NGF: variants seen among roughly 807,000 people sequenced by gnomAD.
NGF encodes the protein nerve growth factor.
NGF carries 4 observed loss-of-function variants against 12.8 expected under a neutral mutation model. The ratio of observed to expected loss-of-function variants is 0.31; its 90% CI spans 0.15 to 0.72. The LOEUF (loss-of-function observed/expected upper bound fraction) is 0.72, where lower values mean the gene tolerates loss of function less well. NGF is among the 30% of genes least tolerant of loss of function. The probability of loss-of-function intolerance (pLI) is 0.69; values close to 1 mark genes in which losing one functional copy is unlikely to be tolerated. For synonymous variants in NGF, 140 were observed against 130.0 expected (o/e 1.08, Z -0.52); for missense variants, 283 against 330.8 (o/e 0.86, Z 1.12).
At chr1:115,334,855 A>G (rs1481208213) in intron 1 of NGF, among the ~76,000 whole-genome samples, 1 of 152,214 alleles carries the variant, frequency 6.6e-6, no homozygotes, top group African/African-American at 2.4e-5. Context: ...AACAATATAA[A>G]TCCAATATAC....
At chr1:115,316,308 G>A (rs138242016) in intron 1 of NGF, among the ~76,000 whole-genome samples, 1 of 152,150 alleles carries the variant, frequency 6.6e-6, no homozygotes, top group African/African-American at 2.4e-5. Flanking sequence ...AGAGATCTAA[G>A]AGCCAATGTG....
chr1:115,300,192 A>G (rs1277162492), intron 1 of NGF, among the ~76,000 whole-genome samples: 1 of 152,188 alleles, frequency 6.6e-6, no homozygotes, highest in East Asian at 1.9e-4. Flanking sequence ...ACATAAGACT[A>G]TAATGCGATT....
chr1:115,309,046 T>C (rs1239892165), intron 1 of NGF, among the ~76,000 whole-genome samples: 1 of 152,180 alleles, frequency 6.6e-6, no homozygotes, highest in Non-Finnish European at 1.5e-5. Flanking sequence ...TAGACAGTCC[T>C]ATTGGCAAGG....
intron 1 of NGF, among the ~76,000 whole-genome samples, chr1:115,302,499 T>C (rs540388628): frequency 3.4e-4 from 52 of 152,092 alleles, no homozygotes; most frequent in African/African-American, 1.3e-3. Context: ...TTACAACCCA[T>C]GAAAAGATGA....
chr1:115,290,303 C>A (rs781272239), intron 2 of NGF, among the ~76,000 whole-genome samples: 10 of 151,694 alleles, frequency 6.6e-5, no homozygotes, highest in Non-Finnish European at 1.0e-4. Context: ...CTGGTGGAAT[C>A]CTTCCTGTTG....
chr1:115,293,780 G>C (rs2101026375), intron 1 of NGF, 30 bp from the exon 2 acceptor site: 1 of 152,836 alleles, frequency 6.5e-6, no homozygotes, highest in South Asian at 2.1e-4. Flanking sequence ...GCATTAGACT[G>C]TACCTCACCA....
intron 1 of NGF, among the ~76,000 whole-genome samples, chr1:115,332,470 C>A (rs894003144): frequency 1.3e-5 from 2 of 152,094 alleles, no homozygotes; most frequent in Non-Finnish European, 1.5e-5. Context: ...TATATATGCA[C>A]AGATACATTA....
At chr1:115,330,026 A>AT (rs1179455648) in intron 1 of NGF, among the ~76,000 whole-genome samples, 1 of 152,096 alleles carries the variant, frequency 6.6e-6, no homozygotes, top group African/African-American at 2.4e-5. Context: ...AAGTGCTGGG[A>AT]TTACAGGCAT....
At chr1:115,303,791 C>T (rs1170837617) in intron 1 of NGF, among the ~76,000 whole-genome samples, 8 of 152,184 alleles carry the variant, frequency 5.3e-5, no homozygotes, top group South Asian at 4.1e-4. Flanking sequence ...TCCAAGACCT[C>T]CTCATAGGCC....
At chr1:115,324,099 C>G (rs1654703185) in intron 1 of NGF, among the ~76,000 whole-genome samples, 1 of 152,196 alleles carries the variant, frequency 6.6e-6, no homozygotes, top group African/African-American at 2.4e-5. Context: ...AGGGGCTCAC[C>G]TGGATGGAGG....
In NGF at chr1:115,319,741, G is replaced by A. The variant is rs537264493; in HGVS notation, c.-137+18463C>T. Among the ~76,000 whole-genome samples the A allele has an allele frequency of 3.6e-4, 55 of 152,298 alleles. 1 individual carries two copies. In the South Asian group the frequency reaches 0.011, roughly 30 times the overall value. On this transcript the variant is annotated intron_variant, in intron 1 of 2. Transcript: ENST00000369512. ...CATCTCCTAAACCATGCCCTCAGCT[G>A]GGCACCCAGCCCTCGTTCTTGTGCC...
intron 1 of NGF, among the ~76,000 whole-genome samples, chr1:115,326,719 A>T (rs1462143634): frequency 6.6e-6 from 1 of 152,140 alleles, no homozygotes; most frequent in African/African-American, 2.4e-5. Flanking sequence ...GAGGAGCCAG[A>T]ACTGCTCAAT....
At chr1:115,326,962 T>C (rs1475696641) in intron 1 of NGF, among the ~76,000 whole-genome samples, 1 of 152,234 alleles carries the variant, frequency 6.6e-6, no homozygotes, top group Non-Finnish European at 1.5e-5. Flanking sequence ...AGAGGTTCTG[T>C]AATTTGCCTA....
At chr1:115,289,374 A>G (rs568291002) in intron 2 of NGF, among the ~76,000 whole-genome samples, 1 of 152,300 alleles carries the variant, frequency 6.6e-6, no homozygotes, top group East Asian at 1.9e-4. Context: ...AAGGGTTTCG[A>G]TGGACATAAG....
At chr1:115,297,588 A>C (rs947898671) in intron 1 of NGF, among the ~76,000 whole-genome samples, 1 of 152,178 alleles carries the variant, frequency 6.6e-6, no homozygotes, top group Non-Finnish European at 1.5e-5. Flanking sequence ...AAATTCAATC[A>C]ATGCATAGTT....
At position 115,286,650 on chromosome 1, in the gene NGF, C is replaced by T. The variant is rs781072056; in HGVS notation, c.146G>A (p.Arg49His). 36 of 1,614,084 alleles carry T rather than the reference C, an allele frequency of 2.2e-5. No individual in the cohort carries two copies. Among genetic ancestry groups the T allele is most frequent in the Non-Finnish European group, 2.8e-5 (33 of 1,180,048 alleles). The part of the protein sequence containing the change: ...KLQHSLDTAL[R>H]RARSAPAAAI... Reference sequence around the variant, plus strand: ...CGCTGCCGGGGCGCTGCGGGCTCTGCGAAGGGCAGTGTCAAGGGAATGCTG... The same window carrying T: ...CGCTGCCGGGGCGCTGCGGGCTCTGTGAAGGGCAGTGTCAAGGGAATGCTG... The change falls in exon 3 of 3, where the codon CGC (arginine) becomes CAC (histidine). Residue 49 changes from arginine (R) to histidine (H), a missense_variant. Around this residue, in one of 2 missense-constraint regions of NGF, gnomAD observed 151 missense variants for 141.6 expected, o/e 1.07. Transcript: ENST00000369512.
At chr1:115,315,469 G>A (rs113339863) in intron 1 of NGF, among the ~76,000 whole-genome samples, 2,048 of 152,216 alleles carry the variant, frequency 0.013, 41 homozygotes, top group African/African-American at 0.047. Context: ...GGGAACAGGG[G>A]GATCGAGGAT....
chr1:115,315,870 C>T (rs2101044076), intron 1 of NGF, among the ~76,000 whole-genome samples: 1 of 152,148 alleles, frequency 6.6e-6, no homozygotes, highest in East Asian at 1.9e-4. Context: ...TCTAAGACCC[C>T]CTTGTCCCCT....
chr1:115,300,467 G>A (rs764083625), intron 1 of NGF, among the ~76,000 whole-genome samples: 10 of 152,170 alleles, frequency 6.6e-5, no homozygotes, highest in Non-Finnish European at 1.5e-4. Flanking sequence ...TGCAAAAATT[G>A]CTGCACCTCT....
Sources: allele counts gnomAD v4.1 joint callset (sites outside exome capture counted in the v4.1 genomes callset), GRCh38; gene constraint gnomAD v4.1.1; regional missense constraint gnomAD v4.1.1; transcripts MANE v1.5; gene names NCBI Gene and HGNC (gene_info 2026-07-23, HGNC 2026-07-21).